Variants in TSHZ1 observed in about 807,000 individuals in gnomAD.
The protein encoded by TSHZ1 is teashirt zinc finger homeobox 1.
TSHZ1 carries 12 observed loss-of-function variants against 67.1 expected under a neutral mutation model. The observed-to-expected ratio is 0.18, with a 90% CI of 0.11 to 0.29. TSHZ1 has a LOEUF of 0.29. TSHZ1 is among the 10% of genes least tolerant of loss of function. The pLI is 1.00. For synonymous variants in TSHZ1, 632 were observed against 622.4 expected, an observed-to-expected ratio of 1.02 and a Z score of -0.23; for missense variants, 1,305 against 1,413.9, an observed-to-expected ratio of 0.92 and a Z score of 1.23.
At chr18:75,217,755 C>T (rs570283195) in intron 1 of TSHZ1, among the ~76,000 whole-genome samples, 2 of 152,190 alleles carry the variant, frequency 1.3e-5, no homozygotes, top group South Asian at 4.2e-4. Flanking sequence ...TTATGTTGAT[C>T]GTGGAAAGAA....
At chr18:75,235,914 G>T (rs1351172523) in intron 1 of TSHZ1, among the ~76,000 whole-genome samples, 1 of 152,154 alleles carries the variant, frequency 6.6e-6, no homozygotes, top group Non-Finnish European at 1.5e-5. Flanking sequence ...AGATGGGGAG[G>T]CCACTCCTGT....
rs2023833186 is a variant in TSHZ1 at position 75,289,496 on chromosome 18, G to A, written c.*855G>A. ...TCTATAGCGTGCTGCATTGGTAAAT[G>A]AAAAAAAATGGGGCAAACGTTGGAG... On this transcript the variant is annotated 3_prime_UTR_variant, in exon 2 of 2. Transcript: ENST00000580243. 1 of 166,786 alleles carries A rather than the reference G, an allele frequency of 6.0e-6. No individual in the cohort carries two copies. Among genetic ancestry groups the A allele is most frequent in the Non-Finnish European group, 1.5e-5 (1 of 68,072 alleles). The allele number at this position is 166,786 out of a possible 1,614,324, so 10.3% of individuals were successfully genotyped here.
At chr18:75,222,717 C>G (rs2022863841) in intron 1 of TSHZ1, among the ~76,000 whole-genome samples, 1 of 152,214 alleles carries the variant, frequency 6.6e-6, no homozygotes, top group Non-Finnish European at 1.5e-5. Flanking sequence ...TTCTCAAAGA[C>G]TGCCCCCTCC....
At chr18:75,270,922 G>A (rs903550597) in intron 1 of TSHZ1, among the ~76,000 whole-genome samples, 4 of 152,178 alleles carry the variant, frequency 2.6e-5, no homozygotes, top group African/African-American at 9.7e-5. Context: ...AAAGGAGGCC[G>A]AAGGGAAAGA....
At chr18:75,232,649 A>C (rs1011348018) in intron 1 of TSHZ1, among the ~76,000 whole-genome samples, 1 of 152,236 alleles carries the variant, frequency 6.6e-6, no homozygotes. Context: ...TCTGGACTCC[A>C]GGTAAACCCT....
intron 1 of TSHZ1, among the ~76,000 whole-genome samples, chr18:75,278,515 G>A (rs537636377): frequency 1.3e-5 from 2 of 152,162 alleles, no homozygotes; most frequent in Non-Finnish European, 2.9e-5. Flanking sequence ...AGTGATTCTG[G>A]CCCTGGGATC....
At chr18:75,276,808 G>A (rs2023618406) in intron 1 of TSHZ1, among the ~76,000 whole-genome samples, 1 of 152,230 alleles carries the variant, frequency 6.6e-6, no homozygotes, top group African/African-American at 2.4e-5. Context: ...GGTATTTACT[G>A]TAAGGCAGTC....
chr18:75,251,820 TACTC>T (rs2023307799), intron 1 of TSHZ1, among the ~76,000 whole-genome samples: 1 of 152,362 alleles, frequency 6.6e-6, no homozygotes, highest in African/African-American at 2.4e-5. Context: ...TCCATCATCT[TACTC>T]ATTTGGAAAA....
At chr18:75,270,736 C>T (rs2023546696) in intron 1 of TSHZ1, among the ~76,000 whole-genome samples, 1 of 152,126 alleles carries the variant, frequency 6.6e-6, no homozygotes, top group African/African-American at 2.4e-5. Flanking sequence ...ATCAAATATC[C>T]TTTTTTCCTA....
At chr18:75,231,959 G>T (rs2023005221) in intron 1 of TSHZ1, among the ~76,000 whole-genome samples, 1 of 150,666 alleles carries the variant, frequency 6.6e-6, no homozygotes, top group Non-Finnish European at 1.5e-5. Flanking sequence ...CCCAGGCTGG[G>T]GTTCAGTGGT....
intron 1 of TSHZ1, among the ~76,000 whole-genome samples, chr18:75,250,508 C>A (rs538790734): frequency 3.9e-5 from 6 of 152,180 alleles, no homozygotes; most frequent in Non-Finnish European, 8.8e-5. Flanking sequence ...GTGGACGGGG[C>A]GGTGCGGGCT....
At chr18:75,257,986 C>T (rs976194803) in intron 1 of TSHZ1, among the ~76,000 whole-genome samples, 2 of 152,220 alleles carry the variant, frequency 1.3e-5, no homozygotes, top group African/African-American at 4.8e-5. Context: ...CATCTGGACT[C>T]CTAGCAGAGC....
At position 75,233,732 on chromosome 18, in the gene TSHZ1, G is replaced by GTGA. The variant is rs573192865; in HGVS notation, c.40+21817_40+21819dup. On this transcript the variant is annotated intron_variant, in intron 1 of 1. Coordinates refer to ENST00000580243, the MANE Select transcript of TSHZ1 (RefSeq NM_001308210.2). Reference sequence around the variant, plus strand: ...TCCTAGTGGCCTTCCTTTTTGAGGAGTGACGTGGGGCTTCCTCACACTTTT... The same window carrying GTGA: ...TCCTAGTGGCCTTCCTTTTTGAGGAGTGATGACGTGGGGCTTCCTCACACTTTT... Among the ~76,000 whole-genome samples the GTGA allele has an allele frequency of 1.1e-3, 161 of 152,296 alleles. 1 individual carries two copies. Among genetic ancestry groups the GTGA allele is most frequent in the African/African-American group, 3.4e-3 (141 of 41,546 alleles).
chr18:75,288,467 CAA>C lies in TSHZ1; in HGVS notation c.3063_3064del (p.Lys1021AsnfsTer19). On this transcript the variant is annotated frameshift_variant, in exon 2 of 2. Coordinates refer to ENST00000580243, the MANE Select transcript of TSHZ1 (RefSeq NM_001308210.2). LOFTEE classifies it high-confidence loss of function. The surrounding 1 kb of genome is among the most constrained non-coding windows in gnomAD (Gnocchi z 4.9). ...QQNVSKVLTN[K>X]TLGPLGATEE... ...AGAATGTTTCGAAAGTCCTCACCAA[CAA>C]AACTCTGGGCCCACTGGGGGCCACC... The C allele has an allele frequency of 6.2e-7, 1 of 1,614,188 alleles. No individual in the cohort carries two copies. Among genetic ancestry groups the C allele is most frequent in the South Asian group, 1.1e-5 (1 of 91,080 alleles).
At chr18:75,241,712 T>C (rs1378610424) in intron 1 of TSHZ1, among the ~76,000 whole-genome samples, 1 of 152,014 alleles carries the variant, frequency 6.6e-6, no homozygotes, top group Non-Finnish European at 1.5e-5. Context: ...AACATACATT[T>C]ATTCTCTCCC....
chr18:75,226,794 T>G (rs183444384), intron 1 of TSHZ1, among the ~76,000 whole-genome samples: 20 of 152,288 alleles, frequency 1.3e-4, no homozygotes, highest in Admixed American at 1.3e-3. Context: ...CGACAAAGCC[T>G]GAGAGAGTTC....
chr18:75,251,333 T>C (rs2023300780), intron 1 of TSHZ1, among the ~76,000 whole-genome samples: 1 of 152,122 alleles, frequency 6.6e-6, no homozygotes, highest in Admixed American at 6.5e-5. Flanking sequence ...ATCTGAATTC[T>C]TTCAGGGTCT....
chr18:75,276,407 T>A (rs555923265), intron 1 of TSHZ1, among the ~76,000 whole-genome samples: 1 of 152,318 alleles, frequency 6.6e-6, no homozygotes, highest in African/African-American at 2.4e-5. Flanking sequence ...GTATATTGTA[T>A]TTTTACCTTC....
intron 1 of TSHZ1, among the ~76,000 whole-genome samples, chr18:75,237,410 T>C (rs766126330): frequency 2.0e-5 from 3 of 152,100 alleles, no homozygotes; most frequent in Non-Finnish European, 4.4e-5. Context: ...TAGTCCCAGC[T>C]ACTCAGGAGG....
Sources: allele counts gnomAD v4.1 joint callset (sites outside exome capture counted in the v4.1 genomes callset), GRCh38; gene constraint gnomAD v4.1.1; non-coding constraint Gnocchi (gnomAD v3.1); transcripts MANE v1.5; gene names NCBI Gene and HGNC (gene_info 2026-07-23, HGNC 2026-07-21).